The following BMP6 variants were observed in gnomAD, a reference collection of about 807,000 sequenced individuals.
BMP6 encodes the protein bone morphogenetic protein 6.
In BMP6, 17 loss-of-function variants were observed where a neutral mutation model predicts 54.1. The ratio of observed to expected loss-of-function variants is 0.31; its 90% CI spans 0.22 to 0.47. The LOEUF is 0.47. Among genes scored for constraint, BMP6 ranks in the 20% least tolerant of loss-of-function variants. The pLI is 1.00. For synonymous variants in BMP6, 328 were observed against 291.2 expected, an observed-to-expected ratio of 1.13 and a Z score of -1.28; for missense variants, 720 against 690.4, an observed-to-expected ratio of 1.04 and a Z score of -0.48.
chr6:7,817,412 C>T (rs963633214), intron 1 of BMP6, among the ~76,000 whole-genome samples: 2 of 151,922 alleles, frequency 1.3e-5, no homozygotes, highest in African/African-American at 4.8e-5. Flanking sequence ...AGGATGAGTT[C>T]ATGTCCTTTG....
intron 1 of BMP6, among the ~76,000 whole-genome samples, chr6:7,786,642 T>C (rs1758024479): frequency 6.6e-6 from 1 of 152,090 alleles, no homozygotes; most frequent in African/African-American, 2.4e-5. Flanking sequence ...CTATTGTGTA[T>C]GTGGATCAGA....
intron 1 of BMP6, among the ~76,000 whole-genome samples, chr6:7,740,077 G>T (rs1364772834): frequency 6.6e-6 from 1 of 152,186 alleles, no homozygotes; most frequent in Non-Finnish European, 1.5e-5. Flanking sequence ...GCATAGGGAG[G>T]AGGTCACACC....
intron 1 of BMP6, among the ~76,000 whole-genome samples, chr6:7,802,355 T>C (rs1758281684): frequency 6.6e-6 from 1 of 152,212 alleles, no homozygotes; most frequent in Non-Finnish European, 1.5e-5. Context: ...ATGATGGTAA[T>C]GAAACAGGTA....
chr6:7,841,313 T>G (rs1758965438), intron 1 of BMP6, among the ~76,000 whole-genome samples: 1 of 152,176 alleles, frequency 6.6e-6, no homozygotes, highest in South Asian at 2.1e-4. Context: ...GGGTATAAAG[T>G]AGGTACTGAG....
At chr6:7,857,262 T>C (rs527639299) in intron 2 of BMP6, among the ~76,000 whole-genome samples, 1 of 152,336 alleles carries the variant, frequency 6.6e-6, no homozygotes, top group South Asian at 2.1e-4. Flanking sequence ...TCCAGAAATA[T>C]CTTACTAGCA....
At chr6:7,789,103 G>A (rs2113180083) in intron 1 of BMP6, among the ~76,000 whole-genome samples, 1 of 152,250 alleles carries the variant, frequency 6.6e-6, no homozygotes, top group Admixed American at 6.5e-5. Context: ...CATCACCTCG[G>A]TGTTGTTAAC....
At chr6:7,804,877 C>T (rs1275895217) in intron 1 of BMP6, among the ~76,000 whole-genome samples, 2 of 130,098 alleles carry the variant, frequency 1.5e-5, no homozygotes, top group Non-Finnish European at 3.3e-5. Flanking sequence ...TTTTCCAACG[C>T]TTTCTACAAC....
chr6:7,770,472 C>A (rs1046152253), intron 1 of BMP6, among the ~76,000 whole-genome samples: 1 of 152,112 alleles, frequency 6.6e-6, no homozygotes, highest in Non-Finnish European at 1.5e-5. Context: ...GAGTTTTTTT[C>A]ACGATTTGTC....
chr6:7,783,918 C>T (rs1209545841), intron 1 of BMP6, among the ~76,000 whole-genome samples: 1 of 152,204 alleles, frequency 6.6e-6, no homozygotes, highest in East Asian at 1.9e-4. Context: ...CCTCCAAATG[C>T]CACACATGAG....
intron 1 of BMP6, among the ~76,000 whole-genome samples, chr6:7,807,519 T>C (rs1286919471): frequency 6.6e-6 from 1 of 152,110 alleles, no homozygotes; most frequent in Non-Finnish European, 1.5e-5. Flanking sequence ...GACCTAGTGA[T>C]CCGCCCACCT....
intron 1 of BMP6, among the ~76,000 whole-genome samples, chr6:7,778,267 A>G (rs1227659860): frequency 2.0e-5 from 3 of 152,226 alleles, no homozygotes; most frequent in African/African-American, 7.2e-5. Context: ...CAGAACTTTA[A>G]AACAAATATT....
At chr6:7,858,053 C>A (rs1759275952) in intron 2 of BMP6, among the ~76,000 whole-genome samples, 1 of 152,116 alleles carries the variant, frequency 6.6e-6, no homozygotes, top group Non-Finnish European at 1.5e-5. Flanking sequence ...TCATACCTAC[C>A]TGACCCTGAT....
At chr6:7,867,166 C>G (rs113502516) in intron 4 of BMP6, among the ~76,000 whole-genome samples, 1 of 152,200 alleles carries the variant, frequency 6.6e-6, no homozygotes, top group Non-Finnish European at 1.5e-5. Flanking sequence ...GCCACCACAT[C>G]TGGCCAGCAT....
At chr6:7,867,335 T>C (rs932888654) in intron 4 of BMP6, among the ~76,000 whole-genome samples, 14 of 152,364 alleles carry the variant, frequency 9.2e-5, no homozygotes, top group Middle Eastern at 6.8e-3. Context: ...GTTGGGACTA[T>C]TCAATAGGCT....
At chr6:7,849,582 A>T (rs1308912196) in intron 2 of BMP6, among the ~76,000 whole-genome samples, 1 of 152,198 alleles carries the variant, frequency 6.6e-6, no homozygotes, top group Non-Finnish European at 1.5e-5. Context: ...CCTTTATATG[A>T]ATAGTGACAT....
At chr6:7,862,525 C>T in intron 4 of BMP6, 27 bp downstream of exon 4, 2 of 1,612,464 alleles carry the variant, frequency 1.2e-6, no homozygotes, top group Middle Eastern at 1.8e-4. Flanking sequence ...CCTGTGTTTC[C>T]AGAAAGCCTT....
intron 2 of BMP6, among the ~76,000 whole-genome samples, chr6:7,848,589 C>T (rs1163620571): frequency 6.6e-6 from 1 of 152,148 alleles, no homozygotes; most frequent in African/African-American, 2.4e-5. Flanking sequence ...TGAGAAATAC[C>T]TCCTGTCGTA....
rs371938880 is a variant in BMP6 at position 7,872,007 on chromosome 6, G to T, written c.1205-7067G>T. Among the ~76,000 whole-genome samples the T allele has an allele frequency of 5.6e-4, 85 of 152,188 alleles. 1 individual carries two copies. In the East Asian group the frequency reaches 0.015, roughly 26 times the overall value. On this transcript the variant is annotated intron_variant, in intron 4 of 6. Transcript: ENST00000283147. ...TGAGAGCTTCTGTCCTGGCGGCGGG[G>T]GTGGTGGGGGAGGCTCCTCTGTCTT...
chr6:7,730,813 C>T (rs916207217), intron 1 of BMP6, among the ~76,000 whole-genome samples: 4 of 152,206 alleles, frequency 2.6e-5, no homozygotes, highest in African/African-American at 7.2e-5. Context: ...ATTAAAGAAT[C>T]TACAGAAAGA....
Sources: gnomAD v4.1 joint callset for allele counts (sites outside exome capture counted in the v4.1 genomes callset) on GRCh38, gnomAD v4.1.1 for gene constraint, MANE v1.5 for transcripts, NCBI Gene and HGNC (gene_info 2026-07-23, HGNC 2026-07-21) for gene names.